Variants in PPFIA2 observed in about 807,000 individuals in gnomAD.
PPFIA2 encodes the protein liprin-alpha-2.
A neutral mutation model predicts 175.5 loss-of-function variants in PPFIA2; 46 were observed. The ratio of observed to expected loss-of-function variants is 0.26; its 90% CI spans 0.21 to 0.34. The LOEUF (loss-of-function observed/expected upper bound fraction) is 0.34. Among genes scored for constraint, PPFIA2 ranks in the 10% least tolerant of loss-of-function variants. The pLI, the probability that PPFIA2 is intolerant of heterozygous loss-of-function variation, is 1.00. For synonymous variants in PPFIA2, 568 were observed against 511.4 expected, an observed-to-expected ratio of 1.11 and a Z score of -1.49; for missense variants, 1,179 against 1,506.1, an observed-to-expected ratio of 0.78 and a Z score of 3.60.
intron 4 of PPFIA2, among the ~76,000 whole-genome samples, chr12:81,505,004 T>C (rs1452210403): frequency 6.6e-6 from 1 of 151,226 alleles, no homozygotes; most frequent in South Asian, 2.1e-4. Flanking sequence ...GGGGGTGGGG[T>C]GCTAGGGGAG....
intron 5 of PPFIA2, among the ~76,000 whole-genome samples, chr12:81,448,977 A>G (rs954743198): frequency 3.3e-5 from 5 of 152,216 alleles, no homozygotes; most frequent in African/African-American, 1.2e-4. Context: ...GAGTCATAGT[A>G]CTATGGACAA....
intron 3 of PPFIA2, among the ~76,000 whole-genome samples, chr12:81,706,050 C>A (rs2077097723): frequency 6.6e-6 from 1 of 152,020 alleles, no homozygotes; most frequent in African/African-American, 2.4e-5. Context: ...TGGGACTTTT[C>A]AAAAATTTGA....
At chr12:81,635,836 G>A (rs561907625) in intron 4 of PPFIA2, among the ~76,000 whole-genome samples, 1 of 152,220 alleles carries the variant, frequency 6.6e-6, no homozygotes, top group African/African-American at 2.4e-5. Flanking sequence ...AAGTTGGAAG[G>A]AGTATCAAAG....
chr12:81,740,399 T>C (rs2082179994), intron 3 of PPFIA2, among the ~76,000 whole-genome samples: 1 of 152,192 alleles, frequency 6.6e-6, no homozygotes, highest in East Asian at 1.9e-4. Context: ...CAGCCTTAGC[T>C]AATTCAGAGA....
chr12:81,472,712 C>G (rs964406518), intron 4 of PPFIA2: 4 of 151,520 alleles, frequency 2.6e-5, no homozygotes, highest in African/African-American at 9.7e-5. Context: ...TTGGACCCAT[C>G]CTTATGACCA....
At chr12:81,517,019 G>A (rs997915378) in intron 4 of PPFIA2, among the ~76,000 whole-genome samples, 10 of 151,600 alleles carry the variant, frequency 6.6e-5, no homozygotes, top group Admixed American at 2.0e-4. Context: ...AATTGCTCTC[G>A]CATTCTGCAG....
At chr12:81,644,862 G>C (rs1483815018) in intron 4 of PPFIA2, among the ~76,000 whole-genome samples, 1 of 151,934 alleles carries the variant, frequency 6.6e-6, no homozygotes, top group Non-Finnish European at 1.5e-5. Flanking sequence ...ATTTTCATTT[G>C]ATTTTTATTT....
intron 11 of PPFIA2, among the ~76,000 whole-genome samples, chr12:81,373,320 T>C (rs1351010356): frequency 6.6e-6 from 1 of 151,992 alleles, no homozygotes; most frequent in Non-Finnish European, 1.5e-5. Flanking sequence ...CTTTATGTTC[T>C]TTAGATGAAA....
chr12:81,398,275 T>C (rs1204675121), intron 8 of PPFIA2, among the ~76,000 whole-genome samples: 1 of 152,096 alleles, frequency 6.6e-6, no homozygotes, highest in Admixed American at 6.6e-5. Context: ...AAATGTTTGC[T>C]GAAGACATTA....
intron 4 of PPFIA2, among the ~76,000 whole-genome samples, chr12:81,562,261 AT>A (rs2070262581): frequency 1.3e-5 from 2 of 152,230 alleles, no homozygotes; most frequent in African/African-American, 4.8e-5. Flanking sequence ...GTAGTAAGTT[AT>A]AAGAAGAATA....
At chr12:81,566,083 G>T (rs773331460) in intron 4 of PPFIA2, among the ~76,000 whole-genome samples, 1 of 152,068 alleles carries the variant, frequency 6.6e-6, no homozygotes, top group Non-Finnish European at 1.5e-5. Flanking sequence ...GTCCCTCAGG[G>T]AAGCACCAGT....
intron 4 of PPFIA2, among the ~76,000 whole-genome samples, chr12:81,634,408 A>T (rs1242434100): frequency 6.6e-6 from 1 of 152,024 alleles, no homozygotes; most frequent in Admixed American, 6.5e-5. Context: ...GTATTCTTTA[A>T]AGCACAGAGC....
chr12:81,372,718 A>C (rs1244547097), intron 11 of PPFIA2, among the ~76,000 whole-genome samples: 1 of 151,640 alleles, frequency 6.6e-6, no homozygotes, highest in African/African-American at 2.4e-5. Flanking sequence ...CATAATGAAT[A>C]AAATATGGTC....
intron 4 of PPFIA2, among the ~76,000 whole-genome samples, chr12:81,578,967 T>G (rs563066390): frequency 6.6e-6 from 1 of 151,804 alleles, no homozygotes; most frequent in Non-Finnish European, 1.5e-5. Context: ...TTTCCCATAA[T>G]AGTTAAAATA....
At chr12:81,391,799 T>A (rs760295120) in intron 8 of PPFIA2, among the ~76,000 whole-genome samples, 1 of 151,856 alleles carries the variant, frequency 6.6e-6, no homozygotes, top group Non-Finnish European at 1.5e-5. Context: ...CAAGCATAAA[T>A]CATGCAGTTT....
chr12:81,344,495 T>C (rs1306218818), intron 19 of PPFIA2, among the ~76,000 whole-genome samples, 169 bp downstream of exon 19: 2 of 151,780 alleles, frequency 1.3e-5, no homozygotes, highest in Non-Finnish European at 2.9e-5. Flanking sequence ...AACAATTTTA[T>C]CTTTGAAGTA....
chr12:81,713,113 G>T (rs2078159937), intron 3 of PPFIA2, among the ~76,000 whole-genome samples: 1 of 151,078 alleles, frequency 6.6e-6, no homozygotes, highest in African/African-American at 2.4e-5. Context: ...TTTTTGAAAT[G>T]ATTTTAATAC....
intron 4 of PPFIA2, among the ~76,000 whole-genome samples, chr12:81,631,133 C>A (rs191054145): frequency 6.6e-6 from 1 of 151,894 alleles, no homozygotes; most frequent in Admixed American, 6.6e-5. Flanking sequence ...TGGGCTCAAG[C>A]GAGCCACCTG....
At chr12:81,753,057 C>T (rs1205724701) in intron 3 of PPFIA2, among the ~76,000 whole-genome samples, 1 of 151,874 alleles carries the variant, frequency 6.6e-6, no homozygotes, top group African/African-American at 2.4e-5. Context: ...GTCTCAGCCT[C>T]CCCAGTAGCT....
Sources: gnomAD v4.1 joint callset for allele counts (sites outside exome capture counted in the v4.1 genomes callset) on GRCh38, gnomAD v4.1.1 for gene constraint, MANE v1.5 for transcripts, NCBI Gene and HGNC (gene_info 2026-07-23, HGNC 2026-07-21) for gene names.